Variants in GAS7 observed in about 807,000 individuals in gnomAD.
GAS7 encodes growth arrest-specific protein 7.
GAS7 carries 28 observed loss-of-function variants against 71.1 expected under a neutral mutation model. The ratio of observed to expected loss-of-function variants is 0.39; its 90% CI spans 0.29 to 0.54. GAS7 has a LOEUF of 0.54. Among genes scored for constraint, GAS7 ranks in the 20% least tolerant of loss-of-function variants. The pLI is 0.62. For missense variants in GAS7, 436 were observed against 627.8 expected (o/e 0.69, Z 3.27); for synonymous variants, 258 against 245.8 (o/e 1.05, Z -0.46).
chr17:9,986,362 C>T (rs981462389), intron 2 of GAS7, among the ~76,000 whole-genome samples: 4 of 152,170 alleles, frequency 2.6e-5, no homozygotes, highest in African/African-American at 9.7e-5. Flanking sequence ...GGTCACAATT[C>T]ATGCACTGAC....
intron 2 of GAS7, among the ~76,000 whole-genome samples, chr17:9,997,539 C>T (rs937079767): frequency 1.2e-4 from 18 of 152,136 alleles, no homozygotes; most frequent in East Asian, 7.7e-4. Context: ...GAGTTTTCCC[C>T]GCCATACTAG....
intron 1 of GAS7, among the ~76,000 whole-genome samples, chr17:10,135,488 C>T (rs1048522260): frequency 6.6e-6 from 1 of 152,206 alleles, no homozygotes; most frequent in African/African-American, 2.4e-5. Context: ...TGAGCCCGCC[C>T]GAGAGATTTC....
chr17:10,045,862 G>A (rs987162023), intron 1 of GAS7, among the ~76,000 whole-genome samples: 5 of 152,028 alleles, frequency 3.3e-5, no homozygotes, highest in African/African-American at 1.2e-4. Context: ...TGTACCAGCC[G>A]CACTATTATT....
chr17:10,097,042 T>G (rs2073647819), intron 1 of GAS7, among the ~76,000 whole-genome samples: 1 of 152,214 alleles, frequency 6.6e-6, no homozygotes, highest in Non-Finnish European at 1.5e-5. Flanking sequence ...CCAGCTGCCT[T>G]ATTTAATTCC....
At chr17:9,950,199 T>C (rs1704229852) in intron 5 of GAS7, among the ~76,000 whole-genome samples, 1 of 152,084 alleles carries the variant, frequency 6.6e-6, no homozygotes, top group African/African-American at 2.4e-5. Context: ...CTTCTAAGAA[T>C]ACAACATTAT....
chr17:9,926,513 C>T lies in GAS7; in HGVS notation c.1014+128G>A. 1 of 978,722 alleles carries T rather than the reference C, an allele frequency of 1.0e-6. No individual in the cohort carries two copies. Among genetic ancestry groups the T allele is most frequent in the Non-Finnish European group, 1.5e-6 (1 of 646,786 alleles). 60.6% of individuals were successfully genotyped at this position (978,722 alleles called of 1,614,324 possible). On this transcript the variant is annotated intron_variant, in intron 10 of 13. Transcript: ENST00000432992. The surrounding 1 kb of genome is among the most constrained non-coding windows in gnomAD (Gnocchi z 5.0). The stretch of plus-strand genomic sequence containing the variant: ...GGCGTAGGCACGAGGCTTGGACATC[C>T]CCCTATTCCCCTACCTGGGGACAAA...
chr17:10,026,238 T>C lies in GAS7; in HGVS notation c.184-6341A>G. ...CTTTAGCAGCCAGATCAGACGGTTTTAAGGTCTCCCACTCTGCATCCTCTC... is the reference window on the plus strand; with the variant it reads ...CTTTAGCAGCCAGATCAGACGGTTTCAAGGTCTCCCACTCTGCATCCTCTC... On this transcript the variant is annotated intron_variant, in intron 1 of 13. Transcript: ENST00000432992. This position sits in a 1 kb window ranked among gnomAD's most constrained non-coding sequence, Gnocchi z 4.5. 1 of 985,354 alleles carries C rather than the reference T, an allele frequency of 1.0e-6. No individual in the cohort carries two copies. The allele number at this position is 985,354 out of a possible 1,614,324, so 61.0% of individuals were successfully genotyped here.
At chr17:10,190,635 G>A (rs1338635738) in intron 1 of GAS7, among the ~76,000 whole-genome samples, 1 of 151,844 alleles carries the variant, frequency 6.6e-6, no homozygotes, top group Non-Finnish European at 1.5e-5. Flanking sequence ...AAGGGACGAG[G>A]CTTGCTAGCC....
At chr17:10,117,749 G>A (rs954345351) in intron 1 of GAS7, among the ~76,000 whole-genome samples, 1 of 152,178 alleles carries the variant, frequency 6.6e-6, no homozygotes, top group Admixed American at 6.5e-5. Flanking sequence ...GAGCAGCCAG[G>A]AGGCGCCTGC....
At chr17:10,032,123 A>C (rs1241461689) in intron 1 of GAS7, among the ~76,000 whole-genome samples, 3 of 151,950 alleles carry the variant, frequency 2.0e-5, no homozygotes, top group Admixed American at 6.5e-5. Context: ...AAAAAAAAAA[A>C]AAAAAAACCC....
chr17:10,110,945 T>C (rs1597798167), intron 1 of GAS7, among the ~76,000 whole-genome samples: 1 of 152,226 alleles, frequency 6.6e-6, no homozygotes, highest in African/African-American at 2.4e-5. Context: ...ATACATTCTA[T>C]ACATGCAACC....
At chr17:9,923,062 C>T (rs1438991054) in intron 11 of GAS7, among the ~76,000 whole-genome samples, 2 of 152,192 alleles carry the variant, frequency 1.3e-5, no homozygotes, top group African/African-American at 2.4e-5. Context: ...GCACACACCA[C>T]CACACCCAGC....
chr17:10,148,395 G>C (rs2074137299), intron 1 of GAS7, among the ~76,000 whole-genome samples: 1 of 151,784 alleles, frequency 6.6e-6, no homozygotes, highest in Admixed American at 6.6e-5. Flanking sequence ...TGGATCACAA[G>C]GTCAGGAGAT....
chr17:10,007,191 T>C (rs549680035), intron 2 of GAS7, among the ~76,000 whole-genome samples: 2 of 152,360 alleles, frequency 1.3e-5, no homozygotes, highest in East Asian at 3.9e-4. Flanking sequence ...ATTTTTTCTC[T>C]TTCCAAATAG....
intron 1 of GAS7, chr17:10,020,256 A>T (rs1016797445): frequency 1.4e-5 from 3 of 216,024 alleles, no homozygotes; most frequent in Non-Finnish European, 2.8e-5. Flanking sequence ...CCATTGTGAA[A>T]TCTGAAGCCT....
At chr17:10,100,920 T>A (rs779711485) in intron 1 of GAS7, among the ~76,000 whole-genome samples, 8 of 152,174 alleles carry the variant, frequency 5.3e-5, no homozygotes, top group Non-Finnish European at 8.8e-5. Context: ...CTTTGCTTCT[T>A]CTATTGGTTA....
chr17:10,005,164 C>CATGCATACATGCATGTGTATGTGTGT lies in GAS7; in HGVS notation c.304+14612_304+14613insACACACATACACATGCATGTATGCAT, dbSNP rs1567880102. 1.0e-3 allele frequency among the ~76,000 whole-genome samples: 102 copies of CATGCATACATGCATGTGTATGTGTGT among 99,112 alleles called. 1 individual carries two copies. Among genetic ancestry groups the CATGCATACATGCATGTGTATGTGTGT allele is most frequent in the African/African-American group, 2.6e-3 (99 of 38,620 alleles). 65.0% of individuals were successfully genotyped at this position (99,112 alleles called of 152,430 possible). ...GCGCACGCATGCATGCATGTGTGTG[C>CATGCATACATGCATGTGTATGTGTGT]GCACGCATGCATGTATGTGTATGTG... On this transcript the variant is annotated intron_variant, in intron 2 of 13. Coordinates refer to ENST00000432992, the MANE Select transcript of GAS7 (RefSeq NM_201433.2).
At chr17:10,017,320 C>T (rs11870593) in intron 2 of GAS7, among the ~76,000 whole-genome samples, 8,459 of 150,858 alleles carry the variant, frequency 0.056, 428 homozygotes, top group African/African-American at 0.12. Context: ...AAATCATCTT[C>T]CACTTTTTTT....
At chr17:10,043,880 C>A (rs2072908537) in intron 1 of GAS7, among the ~76,000 whole-genome samples, 1 of 152,170 alleles carries the variant, frequency 6.6e-6, no homozygotes, top group Non-Finnish European at 1.5e-5. Context: ...CTGTAGTGAG[C>A]CAAGATTGCT....
Sources: gnomAD v4.1 joint callset for allele counts (sites outside exome capture counted in the v4.1 genomes callset) on GRCh38, gnomAD v4.1.1 for gene constraint, Gnocchi (gnomAD v3.1) non-coding constraint, MANE v1.5 for transcripts, NCBI Gene and HGNC (gene_info 2026-07-23, HGNC 2026-07-21) for gene names.